Variants in UBE3D observed in about 807,000 individuals in gnomAD.
UBE3D encodes the protein ubiquitin protein ligase E3D, also known as E3 ubiquitin-protein ligase E3D.
In UBE3D, 48 loss-of-function variants were observed where a neutral mutation model predicts 49.6. The ratio of observed to expected loss-of-function variants is 0.97; its 90% CI spans 0.77 to 1.23. The LOEUF (loss-of-function observed/expected upper bound fraction) is 1.23. Ranked by LOEUF, UBE3D falls within the 50% of genes most tolerant of loss-of-function variation. The probability of loss-of-function intolerance (pLI) is 0.00; values close to 1 mark genes in which losing one functional copy is unlikely to be tolerated. For synonymous variants in UBE3D, 189 were observed against 174.2 expected (o/e 1.08, Z -0.67); for missense variants, 452 against 468.4 (o/e 0.96, Z 0.32).
intron 9 of UBE3D, among the ~76,000 whole-genome samples, chr6:82,947,559 C>A (rs781682640): frequency 1.8e-4 from 28 of 151,618 alleles, no homozygotes; most frequent in African/African-American, 6.5e-4. Context: ...TGGTGCTGAA[C>A]AATACATATT....
rs191715652 is a variant in UBE3D at position 83,032,730 on chromosome 6, G to A, written c.667+5686C>T. On this transcript the variant is annotated intron_variant, in intron 5 of 9. Coordinates refer to ENST00000369747, the MANE Select transcript of UBE3D (RefSeq NM_198920.3). ...GCTCCCATAATCCCCAGGTGTCATA[G>A]AAGGGACCTGGTGGGAATTAACTGA... 1.5e-3 allele frequency among the ~76,000 whole-genome samples: 230 copies of A among 152,264 alleles called. 4 individuals are homozygous for A. Among genetic ancestry groups the A allele is most frequent in the Admixed American group, 0.014 (213 of 15,292 alleles).
At chr6:82,985,608 C>T (rs1354539214) in intron 8 of UBE3D, among the ~76,000 whole-genome samples, 1 of 152,136 alleles carries the variant, frequency 6.6e-6, no homozygotes, top group Non-Finnish European at 1.5e-5. Context: ...GTGATCCACC[C>T]GCCTCGGCCT....
At chr6:82,928,270 C>G (rs1427129115) in intron 9 of UBE3D, among the ~76,000 whole-genome samples, 3 of 152,026 alleles carry the variant, frequency 2.0e-5, no homozygotes, top group East Asian at 3.9e-4. Flanking sequence ...GAATGGCTTT[C>G]ATTTTAAAGT....
intron 5 of UBE3D, among the ~76,000 whole-genome samples, chr6:83,024,494 C>T (rs920679238): frequency 6.6e-6 from 1 of 152,270 alleles, no homozygotes; most frequent in African/African-American, 2.4e-5. Context: ...AGCCTCAATA[C>T]ACACTTTGGG....
At chr6:83,007,749 A>G (rs1174604796) in intron 8 of UBE3D, among the ~76,000 whole-genome samples, 1 of 152,102 alleles carries the variant, frequency 6.6e-6, no homozygotes, top group Non-Finnish European at 1.5e-5. Context: ...GTTCGAGATA[A>G]GTCTGTGCAA....
At chr6:82,985,183 T>A (rs1778391659) in intron 8 of UBE3D, among the ~76,000 whole-genome samples, 1 of 151,884 alleles carries the variant, frequency 6.6e-6, no homozygotes, top group Non-Finnish European at 1.5e-5. Context: ...TTACTTTGTT[T>A]ATGATGCTTT....
chr6:83,048,686 G>A (rs940124869), intron 3 of UBE3D, among the ~76,000 whole-genome samples: 30 of 152,284 alleles, frequency 2.0e-4, no homozygotes, highest in African/African-American at 7.0e-4. Flanking sequence ...GCAAGAAAGT[G>A]CCTAATCTGC....
chr6:82,895,351 T>C (rs148811654), intron 9 of UBE3D, among the ~76,000 whole-genome samples: 53 of 152,226 alleles, frequency 3.5e-4, no homozygotes, highest in African/African-American at 1.2e-3. Flanking sequence ...ATTTTAGCTA[T>C]ACAGAATAGT....
intron 8 of UBE3D, among the ~76,000 whole-genome samples, chr6:82,961,231 T>C (rs762173188): frequency 1.2e-4 from 19 of 152,228 alleles, no homozygotes; most frequent in Non-Finnish European, 2.1e-4. Context: ...ATAAATATTT[T>C]GAAGACACAT....
intron 9 of UBE3D, among the ~76,000 whole-genome samples, chr6:82,930,029 C>T (rs1259347045): frequency 6.6e-6 from 1 of 152,140 alleles, no homozygotes; most frequent in African/African-American, 2.4e-5. Context: ...CCATAATCCC[C>T]ATGTATCATA....
intron 8 of UBE3D, among the ~76,000 whole-genome samples, chr6:83,011,997 T>C (rs1780369588): frequency 6.6e-6 from 1 of 152,216 alleles, no homozygotes; most frequent in Non-Finnish European, 1.5e-5. Context: ...TGTTACCTAC[T>C]TGCTGTTGTA....
intron 6 of UBE3D, among the ~76,000 whole-genome samples, chr6:83,023,198 A>G (rs1443310561): frequency 4.6e-5 from 7 of 152,204 alleles, no homozygotes; most frequent in Admixed American, 4.6e-4. Context: ...TTTGAAACTG[A>G]CCCATGTTTC....
chr6:82,942,100 T>C (rs913421170), intron 9 of UBE3D, among the ~76,000 whole-genome samples: 1 of 152,130 alleles, frequency 6.6e-6, no homozygotes, highest in African/African-American at 2.4e-5. Context: ...CTAGAGATTA[T>C]TGAATGGTTT....
At chr6:82,937,097 T>C (rs755179482) in intron 9 of UBE3D, among the ~76,000 whole-genome samples, 1 of 152,192 alleles carries the variant, frequency 6.6e-6, no homozygotes, top group Non-Finnish European at 1.5e-5. Context: ...AATAATTTCA[T>C]TCTTGTTTCC....
intron 3 of UBE3D, among the ~76,000 whole-genome samples, chr6:83,048,380 T>C (rs907003830): frequency 6.6e-6 from 1 of 152,146 alleles, no homozygotes; most frequent in African/African-American, 2.4e-5. Context: ...ATTGCCTGTT[T>C]AGAGTGGGAG....
chr6:82,886,204 A>C, the UBE3D span, among the ~76,000 whole-genome samples: 1 of 152,188 alleles, frequency 6.6e-6, no homozygotes, highest in Non-Finnish European at 1.5e-5. Context: ...AGCGGTCCTC[A>C]ACCTTTTTGG....
Position 82,892,834 on chromosome 6 carries a change from A to T in UBE3D, c.*188T>A, listed in dbSNP as rs1771034750. On this transcript the variant is annotated 3_prime_UTR_variant, in exon 10 of 10. Coordinates refer to ENST00000369747, the MANE Select transcript of UBE3D (RefSeq NM_198920.3). ...TCTTCACAGTCCTGGGTTTTCAAAGATCTAAAGTTAACTCTTCTCTTAGAG... is the reference window on the plus strand; with the variant it reads ...TCTTCACAGTCCTGGGTTTTCAAAGTTCTAAAGTTAACTCTTCTCTTAGAG... The T allele has an allele frequency of 7.2e-6, 5 of 692,292 alleles. No individual in the cohort carries two copies. The Admixed American group carries it at 1.1e-4, about 16-fold the overall frequency. The allele number at this position is 692,292 out of a possible 1,614,324, so 42.9% of individuals were successfully genotyped here. A position where few individuals can be genotyped will look rare whatever the true frequency, so the allele number is the denominator to read the frequency against.
chr6:82,955,018 G>A (rs886348175), intron 9 of UBE3D, among the ~76,000 whole-genome samples: 6 of 152,200 alleles, frequency 3.9e-5, no homozygotes, highest in African/African-American at 1.4e-4. Context: ...ACCACATGAA[G>A]TACAATCACC....
In UBE3D at chr6:82,894,015, T is replaced by C. The variant is rs545747100; in HGVS notation, c.1150-973A>G. On this transcript the variant is annotated intron_variant, in intron 9 of 9. Coordinates refer to ENST00000369747, the MANE Select transcript of UBE3D (RefSeq NM_198920.3). ...CACCTGCTGAGTTTCCATATCAACT[T>C]CCTGCTGAGTTTCTCTATCAAGAGA... 3 of 152,262 alleles carry C rather than the reference T, an allele frequency of 2.0e-5. No individual in the cohort carries two copies. In the East Asian group the frequency reaches 5.8e-4, roughly 29 times the overall value. The allele number at this position is 152,262 out of a possible 1,614,324, so 9.4% of individuals were successfully genotyped here.
Sources: gnomAD v4.1 joint callset for allele counts (sites outside exome capture counted in the v4.1 genomes callset) on GRCh38, gnomAD v4.1.1 for gene constraint, MANE v1.5 for transcripts, NCBI Gene and HGNC (gene_info 2026-07-23, HGNC 2026-07-21) for gene names.